The following CPNE1 variants were observed in gnomAD, a reference collection of about 807,000 sequenced individuals.
CPNE1 encodes copine-1.
CPNE1 carries 58 observed loss-of-function variants against 63.2 expected under a neutral mutation model. That is an observed-to-expected ratio of 0.92 (90% CI 0.74 to 1.14). CPNE1 has a LOEUF of 1.14. Among genes scored for constraint, CPNE1 ranks in the 50% most tolerant of loss-of-function variants. The probability of loss-of-function intolerance (pLI) is 0.00; values close to 1 mark genes in which losing one functional copy is unlikely to be tolerated. For synonymous variants in CPNE1, 237 were observed against 249.0 expected (o/e 0.95, Z 0.45); for missense variants, 672 against 661.7 (o/e 1.02, Z -0.17).
At chr20:35,654,636 A>C in intron 1 of CPNE1, 1 of 1,614,084 alleles carries the variant, frequency 6.2e-7, no homozygotes, top group Non-Finnish European at 8.5e-7. Context: ...GCACAGAAGG[A>C]ACTGGGGGAA....
rs1409498996 is a variant in CPNE1 at position 35,626,275 on chromosome 20, G to A, written c.1580C>T (p.Ser527Leu). 3 of 1,614,040 alleles carry A rather than the reference G, an allele frequency of 1.9e-6. No individual in the cohort carries two copies. In the African/African-American group the frequency reaches 4.0e-5, roughly 22 times the overall value. The stretch of plus-strand genomic sequence containing the variant: ...GGGGGCCTGTGCAGGATCCTTGGCT[G>A]AGGGTGGAAGTGGCTTGAGCGGGGC... ...GWAPLKPLPPSAKDPAQAPQA is the reference protein window; with the variant it reads ...GWAPLKPLPPLAKDPAQAPQA The change falls in exon 16 of 16, where the codon TCA becomes TTA. Residue 527 changes from serine (S) to leucine (L), a missense_variant. Physicochemically the swap from Ser to Leu is moderately radical, Grantham distance 145. Transcript: ENST00000397443.
At chr20:35,649,896 T>G (rs1343382230) in intron 1 of CPNE1, 1 of 152,390 alleles carries the variant, frequency 6.6e-6, no homozygotes, top group Admixed American at 6.5e-5. Context: ...TGTTTACAAA[T>G]GCACACAACT....
intron 1 of CPNE1, among the ~76,000 whole-genome samples, chr20:35,640,029 AGGT>A (rs998663400): frequency 2.6e-5 from 4 of 152,314 alleles, no homozygotes; most frequent in Non-Finnish European, 5.9e-5. Context: ...TGAGCCCCTA[AGGT>A]GGCCTGGCTT....
intron 1 of CPNE1, chr20:35,653,857 C>T: frequency 6.2e-7 from 1 of 1,614,006 alleles, no homozygotes; most frequent in Non-Finnish European, 8.5e-7. Context: ...TTTATGACGA[C>T]ACAGAGCAGC....
At chr20:35,656,327 G>C (rs1018704956) in intron 1 of CPNE1, among the ~76,000 whole-genome samples, 4 of 152,128 alleles carry the variant, frequency 2.6e-5, no homozygotes, top group African/African-American at 9.7e-5. Context: ...GATCTCCTTA[G>C]ATCATGCCTG....
chr20:35,633,240 A>G (rs1313468219), intron 1 of CPNE1, among the ~76,000 whole-genome samples: 1 of 152,208 alleles, frequency 6.6e-6, no homozygotes, highest in Admixed American at 6.5e-5. Context: ...AGGGCTGTCC[A>G]AACCCAGACT....
intron 1 of CPNE1, among the ~76,000 whole-genome samples, chr20:35,645,832 C>A (rs1002910968): frequency 6.6e-6 from 1 of 152,230 alleles, no homozygotes; most frequent in African/African-American, 2.4e-5. Context: ...CCAGCCCCCA[C>A]TGCAATCTAA....
At chr20:35,655,016 T>C (rs772608337) in intron 1 of CPNE1, 103 of 1,614,112 alleles carry the variant, frequency 6.4e-5, no homozygotes, top group Non-Finnish European at 7.9e-5. Flanking sequence ...CCTGATCTAC[T>C]GGCATTTGCT....
intron 6 of CPNE1, 56 bp from the exon 7 acceptor site, chr20:35,631,833 G>A (rs1226775487): frequency 1.9e-6 from 3 of 1,549,920 alleles, no homozygotes; most frequent in Non-Finnish European, 2.7e-6. Context: ...CTGAGGAGCT[G>A]CCACACTTCT....
chr20:35,664,355 C>T (rs112041905), intron 1 of CPNE1: 8,213 of 152,338 alleles, frequency 0.054, 296 homozygotes, highest in South Asian at 0.18. Flanking sequence ...GATTATCTCC[C>T]CACCTCCAGG....
At chr20:35,651,497 T>C (rs1310764749) in intron 1 of CPNE1, 1 of 152,238 alleles carries the variant, frequency 6.6e-6, no homozygotes, top group African/African-American at 2.4e-5. Flanking sequence ...ATACTACTAC[T>C]GCTAACAAAG....
At chr20:35,654,458 T>C in intron 1 of CPNE1, 1 of 1,614,226 alleles carries the variant, frequency 6.2e-7, no homozygotes, top group Non-Finnish European at 8.5e-7. Flanking sequence ...CTCTGAGAGT[T>C]CATCTGGATA....
At chr20:35,659,103 C>A in intron 1 of CPNE1, 1 of 516,934 alleles carries the variant, frequency 1.9e-6, no homozygotes, top group South Asian at 2.6e-5. Flanking sequence ...GAAGGCGAGT[C>A]TGAAACCACC....
intron 1 of CPNE1, chr20:35,650,415 C>G (rs1264656779): frequency 2.6e-5 from 4 of 152,560 alleles, no homozygotes; most frequent in Non-Finnish European, 4.4e-5. Flanking sequence ...CTTCAAACAA[C>G]CCATTTTTCT....
intron 1 of CPNE1, among the ~76,000 whole-genome samples, chr20:35,636,226 C>A (rs1257886287): frequency 6.6e-6 from 1 of 152,198 alleles, no homozygotes; most frequent in Non-Finnish European, 1.5e-5. Context: ...CAAGGACAGA[C>A]CCAGAGCAGA....
chr20:35,634,442 A>C lies in CPNE1; in HGVS notation c.1-1519T>G, dbSNP rs534211793. Among the ~76,000 whole-genome samples, 5 of 150,966 alleles carry C rather than the reference A, an allele frequency of 3.3e-5. No individual in the cohort carries two copies. In the East Asian group the frequency reaches 7.8e-4, roughly 24 times the overall value. ...AACCCTGTCTCTACTAAAAATAAAA[A>C]AAATTAGCTGGTATGGTGGTGGGCG... On this transcript the variant is annotated intron_variant, in intron 1 of 15. Coordinates refer to ENST00000397443, the MANE Select transcript of CPNE1 (RefSeq NM_152925.3).
intron 14 of CPNE1, 141 bp downstream of exon 14, chr20:35,627,139 G>C (rs888351862): frequency 2.5e-6 from 2 of 803,298 alleles, no homozygotes; most frequent in Non-Finnish European, 3.7e-6. Flanking sequence ...AGTGAGCTGA[G>C]ATCGCGTCAC....
chr20:35,633,959 CAAAA>C (rs34006508), intron 1 of CPNE1, among the ~76,000 whole-genome samples: 4 of 40,406 alleles, frequency 9.9e-5, no homozygotes, highest in Non-Finnish European at 1.5e-4. Context: ...GATTCCGTCT[CAAAA>C]AAAAAAAAAA....
intron 1 of CPNE1, chr20:35,651,621 C>T (rs968210257): frequency 6.6e-6 from 1 of 151,066 alleles, no homozygotes; most frequent in African/African-American, 2.4e-5. Flanking sequence ...ATTGATACTA[C>T]AATTAGTCCA....
Sources: allele counts gnomAD v4.1 joint callset (sites outside exome capture counted in the v4.1 genomes callset), GRCh38; gene constraint gnomAD v4.1.1; transcripts MANE v1.5; gene names NCBI Gene and HGNC (gene_info 2026-07-23, HGNC 2026-07-21).